FIRRM: variants seen among roughly 807,000 people sequenced by gnomAD.
FIRRM encodes the protein FIGNL1-interacting regulator of recombination and mitosis.
At chr1:169,838,240 T>C in the FIRRM span, among the ~76,000 whole-genome samples, 1 of 151,938 alleles carries the variant, frequency 6.6e-6, no homozygotes, top group African/African-American at 2.4e-5. Flanking sequence ...TGCCCAGGCT[T>C]ATCCAAAGGA....
chr1:169,804,701 T>G, the FIRRM span, among the ~76,000 whole-genome samples: 1 of 152,244 alleles, frequency 6.6e-6, no homozygotes, highest in Non-Finnish European at 1.5e-5. Context: ...TTTATTTTTT[T>G]GAGACAGAGT....
chr1:169,821,809 A>G, the FIRRM span: 1 of 1,251,098 alleles, frequency 8.0e-7, no homozygotes. Context: ...CTCTCAGAAA[A>G]CGAATTATTA....
chr1:169,816,394 A>T, the FIRRM span, among the ~76,000 whole-genome samples: 1 of 152,222 alleles, frequency 6.6e-6, no homozygotes, highest in Non-Finnish European at 1.5e-5. Flanking sequence ...TGAGAAAAAC[A>T]CTCAAAAACA....
the FIRRM span, among the ~76,000 whole-genome samples, chr1:169,846,315 AG>A: frequency 1.3e-5 from 2 of 152,152 alleles, no homozygotes; most frequent in Non-Finnish European, 2.9e-5. Flanking sequence ...TAAGGGCCTT[AG>A]GATTTTTTTA....
At chr1:169,845,503 A>G in the FIRRM span, among the ~76,000 whole-genome samples, 1 of 152,230 alleles carries the variant, frequency 6.6e-6, no homozygotes, top group Non-Finnish European at 1.5e-5. Context: ...TTTTACCCAC[A>G]GTAAAACTTC....
the FIRRM span, chr1:169,801,049 T>C: frequency 1.4e-6 from 1 of 704,204 alleles, no homozygotes; most frequent in Non-Finnish European, 2.4e-6. Flanking sequence ...TAATTATGGC[T>C]CTCTTTTTCT....
the FIRRM span, among the ~76,000 whole-genome samples, chr1:169,829,785 A>T: frequency 1.3e-5 from 2 of 152,214 alleles, no homozygotes; most frequent in Non-Finnish European, 2.9e-5. Flanking sequence ...TAGATTTTAA[A>T]AAGGATAGAA....
the FIRRM span, among the ~76,000 whole-genome samples, chr1:169,841,170 A>G: frequency 8.4e-4 from 128 of 152,132 alleles, no homozygotes; most frequent in African/African-American, 3.0e-3. Flanking sequence ...GGGATGTTGG[A>G]TTTTATCAAA....
the FIRRM span, chr1:169,802,573 T>C: frequency 7.6e-7 from 1 of 1,312,118 alleles, no homozygotes; most frequent in South Asian, 1.3e-5. Context: ...TCTTGTCTTT[T>C]CTAGTGATTT....
At chr1:169,787,498 C>A in the FIRRM span, among the ~76,000 whole-genome samples, 3 of 152,108 alleles carry the variant, frequency 2.0e-5, no homozygotes, top group Admixed American at 6.6e-5. Flanking sequence ...ACCCTTGATG[C>A]TTCCTCTTAG....
At chr1:169,848,447 A>G in the FIRRM span, among the ~76,000 whole-genome samples, 1 of 152,062 alleles carries the variant, frequency 6.6e-6, no homozygotes, top group Non-Finnish European at 1.5e-5. Flanking sequence ...GAGAGACTAT[A>G]AAGAGTTCAC....
At chr1:169,829,171 T>G in the FIRRM span, 1 of 1,176,338 alleles carries the variant, frequency 8.5e-7, no homozygotes, top group East Asian at 2.7e-5. Flanking sequence ...CATTTTCTGC[T>G]TAAACAACCT....
At chr1:169,835,683 A>G in the FIRRM span, among the ~76,000 whole-genome samples, 5 of 152,320 alleles carry the variant, frequency 3.3e-5, no homozygotes, top group East Asian at 7.7e-4. Context: ...AACTCTTTCT[A>G]TAACAAATTT....
the FIRRM span, among the ~76,000 whole-genome samples, chr1:169,809,015 G>A: frequency 9.2e-5 from 14 of 152,202 alleles, no homozygotes; most frequent in Non-Finnish European, 1.6e-4. Context: ...TTGTACCTGC[G>A]CTCTTCCCTG....
the FIRRM span, chr1:169,803,129 A>G: frequency 1.2e-6 from 2 of 1,601,884 alleles, no homozygotes; most frequent in East Asian, 4.5e-5. Context: ...TCAGTGCACA[A>G]AAAATATATT....
the FIRRM span, chr1:169,842,326 A>C: frequency 7.5e-7 from 1 of 1,337,320 alleles, no homozygotes; most frequent in Admixed American, 2.4e-5. Flanking sequence ...AAGAGTTAAA[A>C]GTAACTTTTA....
chr1:169,809,969 T>C, the FIRRM span, among the ~76,000 whole-genome samples: 26 of 152,332 alleles, frequency 1.7e-4, no homozygotes, highest in Admixed American at 1.4e-3. Context: ...CTCTCACAGT[T>C]CTGGAAGCTG....
the FIRRM span, among the ~76,000 whole-genome samples, chr1:169,808,771 A>AT: frequency 3.9e-5 from 6 of 151,904 alleles, no homozygotes; most frequent in Non-Finnish European, 8.8e-5. Flanking sequence ...CGCCTGGCTA[A>AT]TTTTTTTAGT....
chr1:169,831,673 A>G, the FIRRM span, among the ~76,000 whole-genome samples: 3 of 152,240 alleles, frequency 2.0e-5, no homozygotes, highest in African/African-American at 7.2e-5. Flanking sequence ...CTAGTTCATT[A>G]TGATAAAATT....
Sources: allele counts gnomAD v4.1 joint callset (sites outside exome capture counted in the v4.1 genomes callset), GRCh38; gene constraint gnomAD v4.1.1; transcripts MANE v1.5; gene names NCBI Gene and HGNC (gene_info 2026-07-23, HGNC 2026-07-21).